Variants in MYO9A observed in about 807,000 individuals in gnomAD.
The protein encoded by MYO9A is myosin IXA.
MYO9A carries 103 observed loss-of-function variants against 293.3 expected under a neutral mutation model. That is an observed-to-expected ratio of 0.35 (90% CI 0.30 to 0.41). The LOEUF is 0.41. Ranked by LOEUF, MYO9A falls within the 10% of genes least tolerant of loss-of-function variation. The pLI is 1.00. For synonymous variants in MYO9A, 1,001 were observed against 1,035.7 expected, an observed-to-expected ratio of 0.97 and a Z score of 0.64; for missense variants, 2,685 against 3,033.0, an observed-to-expected ratio of 0.89 and a Z score of 2.69.
intron 10 of MYO9A, among the ~76,000 whole-genome samples, chr15:71,992,528 G>T (rs532003315): frequency 3.9e-5 from 6 of 152,084 alleles, no homozygotes; most frequent in African/African-American, 1.4e-4. Flanking sequence ...TTAAAATAAT[G>T]CCCTTCAAAA....
At chr15:72,116,280 A>T (rs2080973549) in intron 1 of MYO9A, among the ~76,000 whole-genome samples, 1 of 151,442 alleles carries the variant, frequency 6.6e-6, no homozygotes, top group Admixed American at 6.6e-5. Flanking sequence ...CTGTTACTTT[A>T]ACATTTTTTA....
chr15:72,104,360 A>G (rs1039053330), intron 1 of MYO9A, among the ~76,000 whole-genome samples: 5 of 152,244 alleles, frequency 3.3e-5, no homozygotes, highest in African/African-American at 1.2e-4. Flanking sequence ...TGGGTTTATC[A>G]GGATGTAACC....
chr15:72,054,669 ACT>A (rs2078667280), intron 1 of MYO9A, among the ~76,000 whole-genome samples: 1 of 109,540 alleles, frequency 9.1e-6, no homozygotes, highest in Non-Finnish European at 1.7e-5. Context: ...ACACAGCGAG[ACT>A]CTGTCTCAAA....
chr15:71,918,534 G>T (rs1481734308), intron 18 of MYO9A, among the ~76,000 whole-genome samples: 1 of 151,926 alleles, frequency 6.6e-6, no homozygotes, highest in African/African-American at 2.4e-5. Context: ...ATGTAAAAAG[G>T]GCATTTGTGC....
chr15:71,945,539 T>C (rs1266590894), intron 15 of MYO9A, among the ~76,000 whole-genome samples: 1 of 152,202 alleles, frequency 6.6e-6, no homozygotes. Context: ...ATGGAATTTG[T>C]AAATCATTTT....
At chr15:71,962,466 C>G (rs1000921287) in intron 13 of MYO9A, among the ~76,000 whole-genome samples, 1 of 152,116 alleles carries the variant, frequency 6.6e-6, no homozygotes, top group Non-Finnish European at 1.5e-5. Flanking sequence ...TTGGCTTGTC[C>G]TTACATACCC....
intron 15 of MYO9A, among the ~76,000 whole-genome samples, chr15:71,945,696 GACT>G (rs1223829051): frequency 1.3e-5 from 2 of 149,696 alleles, no homozygotes; most frequent in East Asian, 2.0e-4. Flanking sequence ...TGAATTTGTT[GACT>G]ACTTCTTTTC....
chr15:72,020,532 T>C (rs1298701562), intron 5 of MYO9A, among the ~76,000 whole-genome samples: 1 of 152,184 alleles, frequency 6.6e-6, no homozygotes, highest in East Asian at 1.9e-4. Flanking sequence ...ACATGCAAAT[T>C]AGGTTTCAAG....
rs141870097 is a variant in MYO9A, at chr15:71,978,247, T to C, written c.1768A>G (p.Ile590Val). The C allele has an allele frequency of 3.1e-6, 5 of 1,612,716 alleles. No homozygotes were observed. In the Admixed American group the frequency reaches 6.7e-5, roughly 22 times the overall value. ...EGISWHNIDY[I>V]DNTCCINLIS... ...AGATTTATGCAGCAGGTATTATCAATGTAATCTATGTTGTGCCAGCTGATA... is the reference window on the plus strand; with the variant it reads ...AGATTTATGCAGCAGGTATTATCAACGTAATCTATGTTGTGCCAGCTGATA... Residue 590 changes from isoleucine to valine, a missense_variant, in exon 12 of 42, where the codon ATT (isoleucine) becomes GTT (valine). Physicochemically the swap from Ile to Val is conservative, Grantham distance 29. Transcript: ENST00000356056.
chr15:71,965,602 T>C (rs1272125617), intron 13 of MYO9A, among the ~76,000 whole-genome samples: 1 of 152,114 alleles, frequency 6.6e-6, no homozygotes, highest in Non-Finnish European at 1.5e-5. Flanking sequence ...AAAAATTCGC[T>C]GGGCGTGGTG....
chr15:71,922,726 T>C (rs910856902), intron 18 of MYO9A, among the ~76,000 whole-genome samples: 6 of 152,236 alleles, frequency 3.9e-5, no homozygotes, highest in Non-Finnish European at 8.8e-5. Context: ...GACATTTTAA[T>C]TTTAATTAGC....
chr15:72,089,358 C>A (rs1256738904), intron 1 of MYO9A, among the ~76,000 whole-genome samples: 1 of 151,936 alleles, frequency 6.6e-6, no homozygotes, highest in Non-Finnish European at 1.5e-5. Context: ...GAGACAGTTT[C>A]ACTATGTTGC....
chr15:72,083,123 G>C (rs1004407027), intron 1 of MYO9A, among the ~76,000 whole-genome samples: 1 of 152,066 alleles, frequency 6.6e-6, no homozygotes, highest in Non-Finnish European at 1.5e-5. Context: ...ATATCTGGTA[G>C]AATTTGGCTT....
chr15:71,838,562 A>G (rs1236015964), intron 39 of MYO9A, among the ~76,000 whole-genome samples: 1 of 152,194 alleles, frequency 6.6e-6, no homozygotes, highest in Admixed American at 6.5e-5. Flanking sequence ...CTTTGCAGGC[A>G]AACTGTTCCT....
chr15:71,945,088 C>A (rs1349623415), intron 15 of MYO9A, among the ~76,000 whole-genome samples: 1 of 152,196 alleles, frequency 6.6e-6, no homozygotes, highest in Non-Finnish European at 1.5e-5. Flanking sequence ...CAAAATCCAA[C>A]ACTTTAAAAC....
At chr15:72,007,976 T>C in intron 7 of MYO9A, 24 bp from the exon 8 acceptor site, 1 of 1,604,202 alleles carries the variant, frequency 6.2e-7, no homozygotes, top group Non-Finnish European at 8.5e-7. Context: ...ACACAAATTA[T>C]AGCTTAGTTG....
At chr15:71,842,293 C>G (rs1305700769) in intron 39 of MYO9A, among the ~76,000 whole-genome samples, 1 of 151,986 alleles carries the variant, frequency 6.6e-6, no homozygotes, top group Non-Finnish European at 1.5e-5. Context: ...ATGAGAATCG[C>G]TTGAACCCAG....
intron 10 of MYO9A, among the ~76,000 whole-genome samples, chr15:71,992,510 T>C (rs185368103): frequency 1.3e-3 from 200 of 152,264 alleles, no homozygotes; most frequent in African/African-American, 4.5e-3. Context: ...TCTAGGCCCT[T>C]AAAAAAATTA....
rs549213960 is a variant in MYO9A at position 72,092,868 on chromosome 15, T to C, written c.-72+24812A>G. Among the ~76,000 whole-genome samples, 3 of 151,956 alleles carry C rather than the reference T, an allele frequency of 2.0e-5. No individual in the cohort carries two copies. In the South Asian group the frequency reaches 6.2e-4, roughly 32 times the overall value. On this transcript the variant is annotated intron_variant, in intron 1 of 41. Coordinates refer to ENST00000356056, the MANE Select transcript of MYO9A (RefSeq NM_006901.4). The stretch of plus-strand genomic sequence containing the variant: ...GCACAAGCCAGTTTCCATTTACTTG[T>C]AACAACAAGACACACACCACCACTT...
Sources: gnomAD v4.1 joint callset for allele counts (sites outside exome capture counted in the v4.1 genomes callset) on GRCh38, gnomAD v4.1.1 for gene constraint, MANE v1.5 for transcripts, NCBI Gene and HGNC (gene_info 2026-07-23, HGNC 2026-07-21) for gene names.